IGSF11: variants seen among roughly 807,000 people sequenced by gnomAD.
The protein encoded by IGSF11 is CXADR like 1.
IGSF11 carries 22 observed loss-of-function variants against 41.0 expected under a neutral mutation model. The observed-to-expected ratio is 0.54, with a 90% CI of 0.38 to 0.77. The LOEUF (loss-of-function observed/expected upper bound fraction) is 0.77. Ranked by LOEUF, IGSF11 falls within the 30% of genes least tolerant of loss-of-function variation. The pLI, the probability that IGSF11 is intolerant of heterozygous loss-of-function variation, is 0.00. For missense variants in IGSF11, 444 were observed against 530.8 expected (o/e 0.84, Z 1.61); for synonymous variants, 219 against 201.3 (o/e 1.09, Z -0.74).
chr3:118,936,506 C>CAA (rs1218247191), intron 1 of IGSF11, among the ~76,000 whole-genome samples: 8 of 96,840 alleles, frequency 8.3e-5, no homozygotes, highest in Non-Finnish European at 1.7e-4. Context: ...GATTTCATCT[C>CAA]AAAAAAAAAA....
intron 1 of IGSF11, among the ~76,000 whole-genome samples, chr3:118,976,407 T>C (rs1934106117): frequency 1.3e-5 from 2 of 152,212 alleles, no homozygotes; most frequent in Non-Finnish European, 2.9e-5. Flanking sequence ...AATAGCACCT[T>C]GTACATAGGA....
chr3:118,981,777 T>G (rs1158740965), intron 1 of IGSF11: 1 of 152,342 alleles, frequency 6.6e-6, no homozygotes, highest in Non-Finnish European at 1.5e-5. Flanking sequence ...TAGAACTCCC[T>G]GTGGGAAACT....
chr3:118,928,319 C>A (rs577650914), intron 3 of IGSF11, among the ~76,000 whole-genome samples, 190 bp downstream of exon 3: 1 of 151,996 alleles, frequency 6.6e-6, no homozygotes, highest in East Asian at 1.9e-4. Flanking sequence ...TTAGAGACCG[C>A]CGGAAATGAA....
rs549604696 is a variant in IGSF11 at position 119,139,294 on chromosome 3, G to C, written c.-14+6519C>G. Among the ~76,000 whole-genome samples, 15 of 152,292 alleles carry C rather than the reference G, an allele frequency of 9.8e-5. No individual in the cohort carries two copies. The South Asian group carries it at 2.9e-3, about 29-fold the overall frequency. ...TTCAGGCCAGAATGAAAGCATACTT[G>C]ATGGTAATTCAAATCCATGTAAAGA... On this transcript the variant is annotated intron_variant, in intron 1 of 7. Transcript: ENST00000425327.
intron 1 of IGSF11, among the ~76,000 whole-genome samples, chr3:118,933,263 C>T (rs985418824): frequency 6.6e-6 from 1 of 150,984 alleles, no homozygotes; most frequent in African/African-American, 2.5e-5. Flanking sequence ...CTGCATGTCC[C>T]CAAACAAGTA....
chr3:118,927,621 G>A (rs1289973068), intron 3 of IGSF11, among the ~76,000 whole-genome samples: 2 of 152,068 alleles, frequency 1.3e-5, no homozygotes, highest in Admixed American at 6.6e-5. Context: ...CAACAACAAC[G>A]AAGGAAAAAG....
Position 118,900,977 on chromosome 3 carries a change from TC to T in IGSF11, c.*1542del, listed in dbSNP as rs1298572328. The T allele has an allele frequency of 2.0e-5, 3 of 152,600 alleles. No individual in the cohort carries two copies. Among genetic ancestry groups the T allele is most frequent in the Non-Finnish European group, 4.4e-5 (3 of 68,032 alleles). 9.5% of individuals were successfully genotyped at this position (152,600 alleles called of 1,614,324 possible). On this transcript the variant is annotated 3_prime_UTR_variant, in exon 7 of 7. Coordinates refer to ENST00000393775, the MANE Select transcript of IGSF11 (RefSeq NM_001015887.3). Reference sequence around the variant, plus strand: ...ACTGAAAAAAATGTCAGGAAGCCACTCCCTGTGAAGACTACGCTTGCAGGAG... The same window carrying T: ...ACTGAAAAAAATGTCAGGAAGCCACTCCTGTGAAGACTACGCTTGCAGGAG...
At chr3:118,924,056 C>T (rs953641936) in intron 4 of IGSF11, among the ~76,000 whole-genome samples, 4 of 152,038 alleles carry the variant, frequency 2.6e-5, no homozygotes, top group Middle Eastern at 3.2e-3. Context: ...CTCCATGATT[C>T]CTTGTATACA....
At chr3:119,035,019 G>A (rs1331269955), upstream of IGSF11, 16 of 182,978 alleles carry the variant, frequency 8.7e-5, no homozygotes, top group Non-Finnish European at 1.4e-4. Flanking sequence ...GCGGCGCGCA[G>A]CTGGCGCGGC....
At chr3:119,079,552 T>G (rs1027167900) in intron 1 of IGSF11, among the ~76,000 whole-genome samples, 2 of 152,166 alleles carry the variant, frequency 1.3e-5, no homozygotes, top group African/African-American at 4.8e-5. Flanking sequence ...CAAAGGAATA[T>G]AAATCATTCT....
intron 1 of IGSF11, among the ~76,000 whole-genome samples, chr3:119,048,724 T>A: frequency 6.6e-6 from 1 of 152,002 alleles, no homozygotes; most frequent in East Asian, 1.9e-4. Context: ...ATATCCTTGA[T>A]AAACATTGAT....
chr3:119,110,003 C>T (rs772156721), upstream of IGSF11, among the ~76,000 whole-genome samples: 36 of 152,150 alleles, frequency 2.4e-4, no homozygotes, highest in Admixed American at 6.5e-4. Flanking sequence ...GAGAGCTTTA[C>T]TTCCAACTAT....
intron 1 of IGSF11, among the ~76,000 whole-genome samples, chr3:119,117,059 A>G (rs1299145455): frequency 6.6e-6 from 1 of 152,048 alleles, no homozygotes; most frequent in Non-Finnish European, 1.5e-5. Flanking sequence ...TACAAACTTC[A>G]TCTCGCACAT....
At chr3:118,988,644 G>A (rs1935489606) in intron 1 of IGSF11, among the ~76,000 whole-genome samples, 1 of 152,162 alleles carries the variant, frequency 6.6e-6, no homozygotes, top group African/African-American at 2.4e-5. Flanking sequence ...TGGGAAACTT[G>A]GAGGACAGAA....
At chr3:119,060,800 A>G (rs1206985654) in intron 1 of IGSF11, among the ~76,000 whole-genome samples, 1 of 152,224 alleles carries the variant, frequency 6.6e-6, no homozygotes, top group Non-Finnish European at 1.5e-5. Flanking sequence ...CCTTTCTGCT[A>G]CTTTTTAATA....
intron 1 of IGSF11, among the ~76,000 whole-genome samples, chr3:119,134,026 A>T (rs1368631811): frequency 1.3e-5 from 2 of 152,230 alleles, no homozygotes; most frequent in African/African-American, 4.8e-5. Context: ...CCTTCATGCT[A>T]AAAACTCTCA....
intron 1 of IGSF11, among the ~76,000 whole-genome samples, chr3:119,021,463 G>A (rs544522379): frequency 6.1e-4 from 93 of 152,098 alleles, no homozygotes; most frequent in Non-Finnish European, 1.1e-3. Flanking sequence ...TCTTTTGGGA[G>A]ATGAGTCTTC....
chr3:118,902,808 G>A lies in IGSF11; in HGVS notation c.1008C>T (p.Ser336=). The A allele has an allele frequency of 3.1e-6, 5 of 1,614,174 alleles. No individual in the cohort carries two copies. The highest frequency in any genetic ancestry group is 3.4e-6 in the Non-Finnish European group (4 of 1,180,008). ...AAGATTGGCCCAAGTCACTGAAGTG[G>A]CTGACTGACTCTGTGTTTCTATGAA... The part of the protein sequence containing the change: ...PKVHRNTESV[S]HFSDLGQSFS... Residue 336 remains serine, a synonymous_variant, in exon 7 of 7, where the codon AGC becomes AGT. Coordinates refer to ENST00000393775, the MANE Select transcript of IGSF11 (RefSeq NM_001015887.3).
At chr3:119,115,893 C>T (rs944188372) in intron 1 of IGSF11, among the ~76,000 whole-genome samples, 3 of 152,072 alleles carry the variant, frequency 2.0e-5, no homozygotes, top group Non-Finnish European at 4.4e-5. Flanking sequence ...AAAAGTGGTG[C>T]AAAACTTTAT....
Sources: gnomAD v4.1 joint callset for allele counts (sites outside exome capture counted in the v4.1 genomes callset) on GRCh38, gnomAD v4.1.1 for gene constraint, MANE v1.5 for transcripts, NCBI Gene and HGNC (gene_info 2026-07-23, HGNC 2026-07-21) for gene names.